The following KNTC1 variants were observed in gnomAD, a reference collection of about 807,000 sequenced individuals.
KNTC1 encodes the protein kinetochore-associated protein 1.
KNTC1 carries 253 observed loss-of-function variants against 314.4 expected under a neutral mutation model. The ratio of observed to expected loss-of-function variants is 0.80; its 90% CI spans 0.73 to 0.89. The LOEUF is 0.89. Among genes scored for constraint, KNTC1 ranks in the 40% least tolerant of loss-of-function variants. The pLI is 0.00. For synonymous variants in KNTC1, 901 were observed against 901.4 expected (o/e 1.00, Z 0.01); for missense variants, 2,475 against 2,572.9 (o/e 0.96, Z 0.82).
At chr12:122,620,889 TA>T (rs1411940885) in intron 60 of KNTC1, among the ~76,000 whole-genome samples, 2 of 152,194 alleles carry the variant, frequency 1.3e-5, no homozygotes, top group Non-Finnish European at 2.9e-5. Context: ...GGAATTATTT[TA>T]AAAGGAATAA....
In KNTC1 at chr12:122,579,935, A is replaced by G. The variant is rs1965293219; in HGVS notation, c.2872A>G (p.Thr958Ala). The change falls in exon 32 of 64, where the codon ACA becomes GCA. Residue 958 changes from threonine to alanine, a missense_variant. Thr to Ala is a moderately conservative substitution (Grantham distance 58, BLOSUM62 0). Coordinates refer to ENST00000333479, the MANE Select transcript of KNTC1 (RefSeq NM_014708.6). ...GGCCTGGAGAATGTCTGTAGCGAAG[A>G]CATCCGTGGACATTCTTAAGATACT... ...GKAWRMSVAK[T>A]SVDILKILCD... 2 of 1,610,876 alleles carry G rather than the reference A, an allele frequency of 1.2e-6. No homozygotes were observed. Among genetic ancestry groups the G allele is most frequent in the Non-Finnish European group, 1.7e-6 (2 of 1,177,424 alleles).
chr12:122,571,570 G>T (rs562236930), intron 24 of KNTC1, among the ~76,000 whole-genome samples: 1 of 152,026 alleles, frequency 6.6e-6, no homozygotes, highest in African/African-American at 2.4e-5. Context: ...TGTTGCCCAG[G>T]TTGGTCTTGA....
intron 10 of KNTC1, among the ~76,000 whole-genome samples, chr12:122,546,929 T>G (rs1437681949): frequency 6.7e-6 from 1 of 148,258 alleles, no homozygotes; most frequent in African/African-American, 2.5e-5. Flanking sequence ...ACCTCCCGGG[T>G]TCAAGCGATT....
chr12:122,611,081 C>T, intron 53 of KNTC1, 181 bp downstream of exon 53: 1 of 601,984 alleles, frequency 1.7e-6, no homozygotes, highest in South Asian at 2.0e-5. Flanking sequence ...CCATTTAGTT[C>T]TGGTCTCTGT....
At position 122,577,656 on chromosome 12, in the gene KNTC1, C is replaced by A; in HGVS notation, c.2722-16C>A. Reference sequence around the variant, plus strand: ...AATACCAGCTGTTTTTTCTTCCTTTCAAACCCTGTTTATAGGGTGAAGACT... The same window carrying A: ...AATACCAGCTGTTTTTTCTTCCTTTAAAACCCTGTTTATAGGGTGAAGACT... On this transcript the variant is annotated splice_polypyrimidine_tract_variant and intron_variant, in intron 30 of 63. Coordinates refer to ENST00000333479, the MANE Select transcript of KNTC1 (RefSeq NM_014708.6). The A allele has an allele frequency of 6.2e-7, 1 of 1,601,968 alleles. No homozygotes were observed. The highest frequency in any genetic ancestry group is 8.5e-7 in the Non-Finnish European group (1 of 1,175,218).
intron 21 of KNTC1, 111 bp from the exon 22 acceptor site, chr12:122,569,570 T>A (rs1472157015): frequency 2.3e-6 from 2 of 877,682 alleles, no homozygotes; most frequent in East Asian, 2.5e-5. Context: ...CACTCATTAT[T>A]AAATCAGTAG....
intron 43 of KNTC1, among the ~76,000 whole-genome samples, chr12:122,596,732 C>T (rs1024892189): frequency 3.3e-5 from 5 of 151,866 alleles, no homozygotes; most frequent in Non-Finnish European, 5.9e-5. Context: ...GTTCCAGCTA[C>T]TTGAGAGGTT....
chr12:122,553,160 GAAAAAAAA>G (rs373313055), intron 16 of KNTC1, among the ~76,000 whole-genome samples: 1 of 134,558 alleles, frequency 7.4e-6, no homozygotes, highest in Non-Finnish European at 1.6e-5. Flanking sequence ...CTGTCTCAGG[GAAAAAAAA>G]AAAAAAAGAG....
chr12:122,614,184 T>C (rs1873499783), intron 55 of KNTC1, among the ~76,000 whole-genome samples: 1 of 152,166 alleles, frequency 6.6e-6, no homozygotes, highest in Admixed American at 6.6e-5. Context: ...CTTTCTACTC[T>C]CCTGTCACAG....
At chr12:122,595,577 C>G (rs771010653) in intron 43 of KNTC1, among the ~76,000 whole-genome samples, 2 of 152,104 alleles carry the variant, frequency 1.3e-5, no homozygotes, top group Non-Finnish European at 2.9e-5. Context: ...GGGGAAAGAC[C>G]GTGGCTGTCA....
At chr12:122,621,348 C>T (rs566006025) in intron 60 of KNTC1, among the ~76,000 whole-genome samples, 4 of 152,178 alleles carry the variant, frequency 2.6e-5, no homozygotes, top group South Asian at 2.1e-4. Flanking sequence ...CAGGCTTTTT[C>T]GTTTGTTTGT....
rs752088372 is a variant in KNTC1, at chr12:122,575,571, T to C, written c.2411T>C (p.Met804Thr). Residue 804 changes from methionine to threonine, a missense_variant, in exon 28 of 64, where the codon ATG becomes ACG. Coordinates refer to ENST00000333479, the MANE Select transcript of KNTC1 (RefSeq NM_014708.6). ...DLIFDAVLKI[M>T]YAAVVPWSAA... is the part of the protein sequence containing the mutation. ...ATATTTGATGCCGTGCTCAAGATCA[T>C]GTATGCGGCAGTGGTTCCTTGGAGT... is the stretch of plus-strand genomic sequence containing the variant. 6 of 1,595,818 alleles carry C rather than the reference T, an allele frequency of 3.8e-6. No individual in the cohort carries two copies. In the African/African-American group the frequency reaches 4.0e-5, roughly 11 times the overall value.
intron 4 of KNTC1, among the ~76,000 whole-genome samples, chr12:122,538,910 G>A (rs1422913364): frequency 1.3e-5 from 2 of 152,232 alleles, no homozygotes; most frequent in African/African-American, 2.4e-5. Flanking sequence ...ATCCCTGGGT[G>A]TGATTTTTAG....
intron 2 of KNTC1, 118 bp downstream of exon 2, chr12:122,530,310 A>G (rs1213475883): frequency 1.2e-5 from 10 of 845,934 alleles, no homozygotes; most frequent in Non-Finnish European, 9.1e-6. Flanking sequence ...GGGAATCAAG[A>G]TTCAATCTCA....
chr12:122,574,422 A>C (rs747584827), intron 27 of KNTC1, 42 bp downstream of exon 27: 2 of 1,206,370 alleles, frequency 1.7e-6, no homozygotes, highest in South Asian at 2.7e-5. Flanking sequence ...TTTGAGCATT[A>C]AATCTTTTCT....
intron 20 of KNTC1, among the ~76,000 whole-genome samples, chr12:122,566,562 A>C (rs1309715896): frequency 6.6e-6 from 1 of 151,514 alleles, no homozygotes; most frequent in Non-Finnish European, 1.5e-5. Flanking sequence ...GGCATGCAAC[A>C]CTACGTCTGG....
chr12:122,620,712 A>G, intron 60 of KNTC1, 104 bp downstream of exon 60: 2 of 1,180,560 alleles, frequency 1.7e-6, no homozygotes, highest in East Asian at 2.5e-5. Context: ...CCTGTAAAGC[A>G]TGAATACATC....
At chr12:122,587,672 T>TA (rs771595354) in intron 38 of KNTC1, 39 bp from the exon 39 acceptor site, 2 of 1,520,902 alleles carry the variant, frequency 1.3e-6, no homozygotes, top group African/African-American at 1.4e-5. Flanking sequence ...TTTCTTTGTT[T>TA]AAAAAATCTA....
At position 122,604,828 on chromosome 12, in the gene KNTC1, C is replaced by A. The variant is rs770202514; in HGVS notation, c.5176-49C>A. ...GATAAAGATGGATGCTTGGCTTCAA[C>A]TGAGGCTTACAAAGTAAGATTTTCT... is the stretch of plus-strand genomic sequence containing the variant. On this transcript the variant is annotated intron_variant, in intron 49 of 63. Transcript: ENST00000333479. The A allele has an allele frequency of 1.3e-5, 20 of 1,530,860 alleles. No homozygotes were observed. In the Admixed American group the frequency reaches 3.3e-4, roughly 25 times the overall value. 94.8% of individuals were successfully genotyped at this position (1,530,860 alleles called of 1,614,324 possible). A position where few individuals can be genotyped will look rare whatever the true frequency, so the allele number is the denominator to read the frequency against.
Sources: gnomAD v4.1 joint callset for allele counts (sites outside exome capture counted in the v4.1 genomes callset) on GRCh38, gnomAD v4.1.1 for gene constraint, MANE v1.5 for transcripts, NCBI Gene and HGNC (gene_info 2026-07-23, HGNC 2026-07-21) for gene names.